MAP2K5: variants seen among roughly 807,000 people sequenced by gnomAD.
MAP2K5 encodes mitogen-activated protein kinase kinase 5, also known as dual specificity mitogen-activated protein kinase kinase 5.
Under a neutral mutation model 83.1 loss-of-function variants are expected in MAP2K5, and 49 were observed. The observed-to-expected ratio is 0.59, with a 90% confidence interval of 0.47 to 0.75. MAP2K5 has a LOEUF of 0.75. MAP2K5 is among the 30% of genes least tolerant of loss of function. MAP2K5 has a pLI of 0.00. For missense variants in MAP2K5, 457 were observed against 557.5 expected (o/e 0.82, Z 1.82); for synonymous variants, 202 against 191.8 (o/e 1.05, Z -0.44).
chr15:67,695,737 A>G (rs1168669840), intron 15 of MAP2K5, among the ~76,000 whole-genome samples: 1 of 152,234 alleles, frequency 6.6e-6, no homozygotes, highest in African/African-American at 2.4e-5. Flanking sequence ...TGTCTTTCCC[A>G]GGTGTACATT....
intron 13 of MAP2K5, among the ~76,000 whole-genome samples, chr15:67,691,943 T>G (rs946894859): frequency 1.3e-5 from 2 of 152,236 alleles, no homozygotes; most frequent in African/African-American, 4.8e-5. Flanking sequence ...AGCATTTGCC[T>G]TGTAAAACAT....
intron 13 of MAP2K5, among the ~76,000 whole-genome samples, chr15:67,689,059 C>T (rs2088031193): frequency 6.6e-6 from 1 of 152,094 alleles, no homozygotes; most frequent in African/African-American, 2.4e-5. Context: ...GGTGATGATA[C>T]TGATAACAGC....
intron 9 of MAP2K5, chr15:67,642,527 C>A: frequency 8.1e-7 from 1 of 1,227,204 alleles, no homozygotes; most frequent in Non-Finnish European, 1.2e-6. Context: ...TGGTGGCATT[C>A]AAGCTGGGTC....
At chr15:67,697,013 G>A (rs1265123839) in intron 15 of MAP2K5, among the ~76,000 whole-genome samples, 2 of 152,122 alleles carry the variant, frequency 1.3e-5, no homozygotes, top group Non-Finnish European at 2.9e-5. Context: ...GAGACTTACA[G>A]TGTACAAACT....
Position 67,755,364 on chromosome 15 carries a change from C to T in MAP2K5, c.1134+6763C>T, listed in dbSNP as rs1023451729. Among the ~76,000 whole-genome samples the T allele has an allele frequency of 6.6e-6, 1 of 152,118 alleles. No homozygotes were observed. The highest frequency in any genetic ancestry group is 1.5e-5 in the Non-Finnish European group (1 of 68,016). ...TTCCCAGTCCTCCATTTTCTCATCC[C>T]CCTTTGTTCAGTGTCACCCTCTTCT... On this transcript the variant is annotated intron_variant, in intron 19 of 21. Transcript: ENST00000178640. This position sits in a 1 kb window ranked among gnomAD's most constrained non-coding sequence, Gnocchi z 4.7.
At chr15:67,549,162 C>T (rs1318543542) in intron 1 of MAP2K5, 7 of 1,535,518 alleles carry the variant, frequency 4.6e-6, no homozygotes, top group Non-Finnish European at 6.1e-6. Context: ...GTTTGCAGGC[C>T]ATTGGAGTTG....
In MAP2K5 at chr15:67,572,898, G is replaced by A. The variant is rs1314522399; in HGVS notation, c.253-7856G>A. ...ATTTTTAGTAGAGACGGGTTTTCAC[G>A]TATTGGCCAGGCTGGTCTCAAACTC... On this transcript the variant is annotated intron_variant, in intron 3 of 21. Coordinates refer to ENST00000178640, the MANE Select transcript of MAP2K5 (RefSeq NM_145160.3). The surrounding 1 kb of genome is among the most constrained non-coding windows in gnomAD (Gnocchi z 4.2). Among the ~76,000 whole-genome samples the A allele has an allele frequency of 6.6e-6, 1 of 152,004 alleles. No homozygotes were observed. Among genetic ancestry groups the A allele is most frequent in the African/African-American group, 2.4e-5 (1 of 41,376 alleles).
rs529723635 is a variant in MAP2K5, at chr15:67,759,064, G to A, written c.1134+10463G>A. Among the ~76,000 whole-genome samples the A allele has an allele frequency of 9.2e-5, 14 of 152,246 alleles. No homozygotes were observed. In the South Asian group the frequency reaches 1.9e-3, roughly 20 times the overall value. On this transcript the variant is annotated intron_variant, in intron 19 of 21. Transcript: ENST00000178640. ...TGTTTAATTTGGCATGGAGGAGCGC[G>A]AATCCTTTTAGAAAGATTTCTATTG...
intron 6 of MAP2K5, chr15:67,588,184 C>A: frequency 2.6e-6 from 2 of 776,702 alleles, no homozygotes; most frequent in Non-Finnish European, 3.1e-6. Context: ...CTCCAGCTTG[C>A]TGGCCCACCT....
chr15:67,580,307 G>A (rs573601624), intron 3 of MAP2K5, among the ~76,000 whole-genome samples: 2 of 152,214 alleles, frequency 1.3e-5, no homozygotes, highest in South Asian at 4.1e-4. Context: ...CTGTGATTTC[G>A]ATTTCCATTA....
intron 15 of MAP2K5, 85 bp downstream of exon 15, chr15:67,693,653 C>T: frequency 2.0e-6 from 2 of 1,013,964 alleles, no homozygotes; most frequent in South Asian, 1.3e-5. Context: ...TGAATTAATT[C>T]CACAGCTTTA....
chr15:67,634,023 T>C (rs2086533760), intron 9 of MAP2K5, among the ~76,000 whole-genome samples: 1 of 152,046 alleles, frequency 6.6e-6, no homozygotes, highest in Admixed American at 6.6e-5. Flanking sequence ...TTGAGACTTA[T>C]ATTATGGCTC....
intron 8 of MAP2K5, among the ~76,000 whole-genome samples, chr15:67,627,622 G>A (rs1052941635): frequency 3.3e-5 from 5 of 152,080 alleles, no homozygotes; most frequent in Non-Finnish European, 5.9e-5. Context: ...ATACCTATAT[G>A]CTCTTAATAA....
At chr15:67,580,075 C>CCACCTA (rs2085148037) in intron 3 of MAP2K5, among the ~76,000 whole-genome samples, 1 of 152,148 alleles carries the variant, frequency 6.6e-6, no homozygotes, top group African/African-American at 2.4e-5. Context: ...AACCACAGTA[C>CCACCTA]CACCTACTGA....
chr15:67,670,835 T>C (rs898352141), intron 13 of MAP2K5, among the ~76,000 whole-genome samples: 31 of 152,190 alleles, frequency 2.0e-4, no homozygotes, highest in Admixed American at 2.6e-4. Flanking sequence ...ACTTAGAAGT[T>C]GCTGTTATCA....
intron 9 of MAP2K5, chr15:67,642,296 T>C: frequency 1.8e-6 from 1 of 562,248 alleles, no homozygotes. Context: ...CATCACTTAC[T>C]AGGCACTACT....
chr15:67,543,341 G>T lies in MAP2K5; in HGVS notation c.6G>T (p.Leu2=). M[L]WLALGPFPAM... is the part of the protein sequence containing the mutation. The stretch of plus-strand genomic sequence containing the variant: ...GTGAGCCTCTTTAACCTGTAATGCT[G>T]TGGCTAGCCCTTGGCCCCTTTCCTG... The change falls in exon 1 of 22, where the codon CTG becomes CTT. Residue 2 remains leucine (L), a synonymous_variant. Transcript: ENST00000178640. This position sits in a 1 kb window ranked among gnomAD's most constrained non-coding sequence, Gnocchi z 4.3. 1 of 1,614,182 alleles carries T rather than the reference G, an allele frequency of 6.2e-7. No homozygotes were observed. The highest frequency in any genetic ancestry group is 8.5e-7 in the Non-Finnish European group (1 of 1,180,046).
chr15:67,791,088 G>C (rs1479871650), intron 21 of MAP2K5, among the ~76,000 whole-genome samples: 1 of 152,200 alleles, frequency 6.6e-6, no homozygotes, highest in Non-Finnish European at 1.5e-5. Flanking sequence ...CTGCAGCTGG[G>C]CAGGAGCCAA....
intron 11 of MAP2K5, among the ~76,000 whole-genome samples, chr15:67,647,485 G>T (rs116480629): frequency 6.6e-6 from 1 of 151,928 alleles, no homozygotes; most frequent in Non-Finnish European, 1.5e-5. Flanking sequence ...GGTGGTTCAC[G>T]CATGTAATCC....
Sources: allele counts gnomAD v4.1 joint callset (sites outside exome capture counted in the v4.1 genomes callset), GRCh38; gene constraint gnomAD v4.1.1; non-coding constraint Gnocchi (gnomAD v3.1); transcripts MANE v1.5; gene names NCBI Gene and HGNC (gene_info 2026-07-23, HGNC 2026-07-21).